The following PRKG1 variants were observed in gnomAD, a reference collection of about 807,000 sequenced individuals.
The protein encoded by PRKG1 is protein kinase cGMP-dependent 1.
Under a neutral mutation model 88.1 loss-of-function variants are expected in PRKG1, and 35 were observed. The ratio of observed to expected loss-of-function variants is 0.40; its 90% CI spans 0.30 to 0.53. The LOEUF is 0.53. Ranked by LOEUF, PRKG1 falls within the 20% of genes least tolerant of loss-of-function variation. PRKG1 has a pLI of 0.59. For missense variants in PRKG1, 540 were observed against 839.8 expected (o/e 0.64, Z 4.41); for synonymous variants, 303 against 292.5 (o/e 1.04, Z -0.37).
In PRKG1 at chr10:51,584,739, C is replaced by T. The variant is rs190246674; in HGVS notation, c.592+116903C>T. Among the ~76,000 whole-genome samples, 22 of 152,044 alleles carry T rather than the reference C, an allele frequency of 1.4e-4. No individual in the cohort carries two copies. The South Asian group carries it at 3.1e-3, about 22-fold the overall frequency. On this transcript the variant is annotated intron_variant, in intron 3 of 17. Coordinates refer to ENST00000373980, the MANE Select transcript of PRKG1 (RefSeq NM_006258.4). ...CTGGCAAAATAGGTTTATTTGTGCA[C>T]GATTTACAGTTCAGAAAATTGAGGC...
At chr10:51,398,712 T>G (rs1023991580) in intron 2 of PRKG1, among the ~76,000 whole-genome samples, 1 of 152,150 alleles carries the variant, frequency 6.6e-6, no homozygotes, top group African/African-American at 2.4e-5. Context: ...TAGATAAGAT[T>G]AACATTTGAA....
intron 1 of PRKG1, among the ~76,000 whole-genome samples, chr10:51,093,240 A>G (rs1037519272): frequency 6.6e-6 from 1 of 152,172 alleles, no homozygotes; most frequent in African/African-American, 2.4e-5. Flanking sequence ...ACTCTGGGCT[A>G]GGGCTAGCAA....
chr10:52,098,540 G>A (rs1300253355), intron 7 of PRKG1, among the ~76,000 whole-genome samples: 3 of 152,336 alleles, frequency 2.0e-5, no homozygotes, highest in East Asian at 3.9e-4. Flanking sequence ...GCCGGGCGCG[G>A]TGGCTCACGC....
chr10:52,076,258 A>C (rs1296525994), intron 7 of PRKG1, among the ~76,000 whole-genome samples: 2 of 152,230 alleles, frequency 1.3e-5, no homozygotes, highest in Non-Finnish European at 2.9e-5. Flanking sequence ...AACATAATCT[A>C]TAAAAGGAAA....
At chr10:51,597,450 G>GC (rs1838482425) in intron 3 of PRKG1, among the ~76,000 whole-genome samples, 1 of 152,140 alleles carries the variant, frequency 6.6e-6, no homozygotes, top group Non-Finnish European at 1.5e-5. Flanking sequence ...CAATGTGAGG[G>GC]AATGATCTGT....
chr10:51,546,920 G>T (rs1842456345), intron 3 of PRKG1, among the ~76,000 whole-genome samples: 1 of 152,058 alleles, frequency 6.6e-6, no homozygotes, highest in Non-Finnish European at 1.5e-5. Flanking sequence ...GTTAAGTTCT[G>T]CCTTTTCCAT....
chr10:51,308,400 T>TAA (rs1328889007), intron 2 of PRKG1, among the ~76,000 whole-genome samples: 1 of 152,190 alleles, frequency 6.6e-6, no homozygotes, highest in Non-Finnish European at 1.5e-5. Flanking sequence ...CTATTGATAC[T>TAA]AACTACATTG....
intron 3 of PRKG1, among the ~76,000 whole-genome samples, chr10:51,670,731 G>A (rs1410997798): frequency 5.8e-5 from 8 of 137,322 alleles, no homozygotes; most frequent in East Asian, 2.1e-4. Flanking sequence ...GCGAGACTCC[G>A]TCTCAAAAAA....
intron 3 of PRKG1, among the ~76,000 whole-genome samples, chr10:51,595,795 A>C (rs1053390349): frequency 2.4e-4 from 36 of 152,082 alleles, no homozygotes; most frequent in African/African-American, 8.7e-4. Flanking sequence ...TCTCATGGTA[A>C]TACATACTTT....
At chr10:52,171,139 TG>T (rs1261387047) in intron 9 of PRKG1, among the ~76,000 whole-genome samples, 1 of 43,656 alleles carries the variant, frequency 2.3e-5, no homozygotes, top group African/African-American at 5.0e-5. Context: ...TTTTTTTTTT[TG>T]GTTTTGTTTT....
chr10:51,180,784 T>C (rs1837321116), intron 2 of PRKG1, among the ~76,000 whole-genome samples: 1 of 152,196 alleles, frequency 6.6e-6, no homozygotes, highest in Non-Finnish European at 1.5e-5. Flanking sequence ...ACTTTACTTC[T>C]AGTCTTGCTG....
chr10:51,225,844 C>T (rs1158024741), intron 2 of PRKG1, among the ~76,000 whole-genome samples: 2 of 152,142 alleles, frequency 1.3e-5, no homozygotes, highest in Non-Finnish European at 2.9e-5. Context: ...GAAACTAGTA[C>T]TCTTTTAACT....
At chr10:52,034,563 A>C (rs10823989) in intron 5 of PRKG1, among the ~76,000 whole-genome samples, 97,334 of 150,746 alleles carry the variant, frequency 0.65, 32,135 homozygotes, top group South Asian at 0.73. Flanking sequence ...CTGATTAGAG[A>C]GTGCCTAAGG....
At chr10:51,958,867 A>G (rs1843378226) in intron 5 of PRKG1, among the ~76,000 whole-genome samples, 1 of 152,116 alleles carries the variant, frequency 6.6e-6, no homozygotes, top group Admixed American at 6.6e-5. Flanking sequence ...GGTAGAAGGC[A>G]TTACCTGGGC....
intron 9 of PRKG1, among the ~76,000 whole-genome samples, chr10:52,244,721 AAAATATATACTTTAATATATATTT>A (rs1840961643): frequency 8.5e-6 from 1 of 117,390 alleles, no homozygotes; most frequent in African/African-American, 3.8e-5. Flanking sequence ...TAATACTTTA[AAAATATATACTTTAATATATATTT>A]AAATATATAT....
chr10:51,456,143 G>C (rs1407925512), intron 2 of PRKG1, among the ~76,000 whole-genome samples: 1 of 152,188 alleles, frequency 6.6e-6, no homozygotes, highest in East Asian at 1.9e-4. Flanking sequence ...GGACAAGAGA[G>C]AATGAGAGCC....
chr10:52,192,917 G>A (rs1322339741), intron 9 of PRKG1, among the ~76,000 whole-genome samples: 2 of 151,954 alleles, frequency 1.3e-5, no homozygotes, highest in South Asian at 2.1e-4. Context: ...GAGGCAAAAG[G>A]CTTTACAATA....
chr10:51,609,661 A>C (rs1838854234), intron 3 of PRKG1, among the ~76,000 whole-genome samples: 1 of 152,220 alleles, frequency 6.6e-6, no homozygotes, highest in African/African-American at 2.4e-5. Flanking sequence ...TGCAGCCATA[A>C]AAAGGAATGA....
At chr10:51,857,182 C>T (rs1187652780) in intron 4 of PRKG1, among the ~76,000 whole-genome samples, 1 of 152,072 alleles carries the variant, frequency 6.6e-6, no homozygotes, top group East Asian at 1.9e-4. Context: ...TGTTTCTTTA[C>T]AGATTTCTCT....
Sources: allele counts gnomAD v4.1 joint callset (sites outside exome capture counted in the v4.1 genomes callset), GRCh38; gene constraint gnomAD v4.1.1; transcripts MANE v1.5; gene names NCBI Gene and HGNC (gene_info 2026-07-23, HGNC 2026-07-21).